SLC26A2: variants seen among roughly 807,000 people sequenced by gnomAD.
The protein encoded by SLC26A2 is sulfate transporter.
Under a neutral mutation model 41.1 loss-of-function variants are expected in SLC26A2, and 36 were observed. That is an observed-to-expected ratio of 0.88 (90% CI 0.67 to 1.16). The LOEUF is 1.16. Ranked by LOEUF, SLC26A2 falls within the 50% of genes most tolerant of loss-of-function variation. SLC26A2 has a pLI of 0.00. For missense variants in SLC26A2, 796 were observed against 869.6 expected, an observed-to-expected ratio of 0.92 and a Z score of 1.07; for synonymous variants, 291 against 311.6, an observed-to-expected ratio of 0.93 and a Z score of 0.70.
chr5:149,975,372 T>C (rs1371210361), intron 1 of SLC26A2, among the ~76,000 whole-genome samples: 1 of 152,236 alleles, frequency 6.6e-6, no homozygotes, highest in Non-Finnish European at 1.5e-5. Flanking sequence ...AATTTTTATC[T>C]ATATTCTTCC....
chr5:149,963,196 G>C (rs1032292097), intron 1 of SLC26A2, among the ~76,000 whole-genome samples: 3 of 152,014 alleles, frequency 2.0e-5, no homozygotes, highest in African/African-American at 7.3e-5. Context: ...TGCAATCTCT[G>C]CCTCCTGGGT....
At chr5:149,968,577 ATTTT>A (rs34927001) in intron 1 of SLC26A2, among the ~76,000 whole-genome samples, 1 of 136,326 alleles carries the variant, frequency 7.3e-6, no homozygotes, top group African/African-American at 2.8e-5. Flanking sequence ...TGCCTGGCTA[ATTTT>A]TTTTTTTTTT....
intron 2 of SLC26A2, among the ~76,000 whole-genome samples, 157 bp downstream of exon 2, chr5:149,978,508 C>G (rs1437778265): frequency 6.6e-6 from 1 of 152,106 alleles, no homozygotes; most frequent in Non-Finnish European, 1.5e-5. Context: ...AAACCCTAAC[C>G]TGACTCCACA....
At chr5:149,968,843 CTG>C in intron 1 of SLC26A2, among the ~76,000 whole-genome samples, 1 of 93,692 alleles carries the variant, frequency 1.1e-5, no homozygotes, top group East Asian at 2.4e-4. Flanking sequence ...CCTCAGCTTG[CTG>C]AGTAGCTGTG....
At chr5:149,963,753 T>TTTC (rs1271337841) in intron 1 of SLC26A2, among the ~76,000 whole-genome samples, 4 of 143,762 alleles carry the variant, frequency 2.8e-5, no homozygotes, top group Non-Finnish European at 6.1e-5. Flanking sequence ...TTTTTTTTTT[T>TTTC]TTTTTTTTTG....
chr5:149,973,364 T>TCCTGGA (rs1480313487), intron 1 of SLC26A2, among the ~76,000 whole-genome samples: 1 of 152,154 alleles, frequency 6.6e-6, no homozygotes, highest in African/African-American at 2.4e-5. Context: ...TTGTTCCATT[T>TCCTGGA]CCTGGACTTT....
chr5:149,961,471 T>A (rs79550806), intron 1 of SLC26A2, among the ~76,000 whole-genome samples: 3,222 of 152,144 alleles, frequency 0.021, 132 homozygotes, highest in African/African-American at 0.075. Context: ...ACACACTAAG[T>A]TGGTATTATT....
chr5:149,970,536 C>T (rs1286998430), intron 1 of SLC26A2, among the ~76,000 whole-genome samples: 1 of 151,848 alleles, frequency 6.6e-6, no homozygotes, highest in Non-Finnish European at 1.5e-5. Context: ...AAAGCTGAGA[C>T]CCAAAGGATG....
chr5:149,972,030 T>G (rs1385383184), intron 1 of SLC26A2, among the ~76,000 whole-genome samples: 1 of 152,236 alleles, frequency 6.6e-6, no homozygotes, highest in Non-Finnish European at 1.5e-5. Context: ...ATTCTTTTCC[T>G]CCAACATTAG....
chr5:149,980,420 A>G lies in SLC26A2; in HGVS notation c.827A>G (p.Asn276Ser), dbSNP rs764228342. 3.1e-6 allele frequency: 5 copies of G among 1,614,072 alleles called. No homozygotes were observed. Among genetic ancestry groups the G allele is most frequent in the East Asian group, 2.2e-5 (1 of 44,878 alleles). ...TSQAKYLLGL[N>S]LPRTNGVGSL... Reference sequence around the variant, plus strand: ...CAGGCCAAGTATCTTCTTGGGCTCAACCTTCCTCGGACTAATGGTGTGGGC... The same window carrying G: ...CAGGCCAAGTATCTTCTTGGGCTCAGCCTTCCTCGGACTAATGGTGTGGGC... Residue 276 changes from asparagine (N) to serine (S), a missense_variant, in exon 3 of 3, where the codon AAC becomes AGC. Physicochemically the swap from Asn to Ser is conservative, Grantham distance 46 (BLOSUM62 1). Coordinates refer to ENST00000286298, the MANE Select transcript of SLC26A2 (RefSeq NM_000112.4).
In SLC26A2 at chr5:149,985,098, G is replaced by C. The variant is rs1330358400; in HGVS notation, c.*3285G>C. On this transcript the variant is annotated 3_prime_UTR_variant, in exon 3 of 3. Coordinates refer to ENST00000286298, the MANE Select transcript of SLC26A2 (RefSeq NM_000112.4). The stretch of plus-strand genomic sequence containing the variant: ...AATAATAGGGAGACAAGGATTAGGA[G>C]CCATACCTCCCAGAGCAAGGTATCT... 1 of 152,200 alleles carries C rather than the reference G, an allele frequency of 6.6e-6. No homozygotes were observed. Among genetic ancestry groups the C allele is most frequent in the East Asian group, 1.9e-4 (1 of 5,192 alleles). The allele number at this position is 152,200 out of a possible 1,614,324, so 9.4% of individuals were successfully genotyped here.
At chr5:149,976,303 C>T (rs1754991265) in intron 1 of SLC26A2, among the ~76,000 whole-genome samples, 1 of 152,212 alleles carries the variant, frequency 6.6e-6, no homozygotes, top group Non-Finnish European at 1.5e-5. Flanking sequence ...AGATGTCTTT[C>T]CTCCAGGAGC....
chr5:149,976,616 C>T (rs767873721), intron 1 of SLC26A2, among the ~76,000 whole-genome samples: 1 of 152,194 alleles, frequency 6.6e-6, no homozygotes, highest in Non-Finnish European at 1.5e-5. Context: ...TTCTCTTACT[C>T]CGGTTATTAG....
chr5:149,981,849 G>C lies in SLC26A2; in HGVS notation c.*36G>C. 6.5e-7 allele frequency: 1 copy of C among 1,532,698 alleles called. No individual in the cohort carries two copies. The highest frequency in any genetic ancestry group is 9.0e-7 in the Non-Finnish European group (1 of 1,112,100). 94.9% of individuals were successfully genotyped at this position (1,532,698 alleles called of 1,614,324 possible). The stretch of plus-strand genomic sequence containing the variant: ...AGATAGAAGAATGTCTAGCCAATAG[G>C]TTAAAATTTCAAGTGTCCAACATTT... On this transcript the variant is annotated 3_prime_UTR_variant, in exon 3 of 3. Coordinates refer to ENST00000286298, the MANE Select transcript of SLC26A2 (RefSeq NM_000112.4).
At chr5:149,970,114 A>G (rs1334179178) in intron 1 of SLC26A2, among the ~76,000 whole-genome samples, 1 of 152,366 alleles carries the variant, frequency 6.6e-6, no homozygotes, top group East Asian at 1.9e-4. Context: ...CTGAAGTGCT[A>G]TGAAGAAAAT....
intron 1 of SLC26A2, among the ~76,000 whole-genome samples, chr5:149,976,280 A>C (rs980094599): frequency 6.6e-6 from 1 of 152,170 alleles, no homozygotes; most frequent in African/African-American, 2.4e-5. Context: ...CATTCAGATT[A>C]CACTGATGAA....
In SLC26A2 at chr5:149,978,102, T is replaced by C. The variant is rs1323877713; in HGVS notation, c.450T>C (p.Ile150=). Residue 150 remains isoleucine, a synonymous_variant, in exon 2 of 3, where the codon ATT becomes ATC. Transcript: ENST00000286298. ...GLYTSFFASI[I]YFLLGTSRHI... ...ACACATCTTTTTTTGCCAGCATCAT[T>C]TATTTTCTCTTGGGTACCTCCCGTC... The C allele has an allele frequency of 6.2e-7, 1 of 1,601,818 alleles. No individual in the cohort carries two copies.
rs1157483146 is a variant in SLC26A2, at chr5:149,982,532, T to G, written c.*719T>G. The G allele has an allele frequency of 6.6e-6, 1 of 152,206 alleles. No individual in the cohort carries two copies. The highest frequency in any genetic ancestry group is 1.5e-5 in the Non-Finnish European group (1 of 68,032). 9.4% of individuals were successfully genotyped at this position (152,206 alleles called of 1,614,324 possible). Reference sequence around the variant, plus strand: ...ATAAATAGGTAAGCACAAAGAGCTCTTCAAAATCAGAAAAAACAATAGGAG... The same window carrying G: ...ATAAATAGGTAAGCACAAAGAGCTCGTCAAAATCAGAAAAAACAATAGGAG... On this transcript the variant is annotated 3_prime_UTR_variant, in exon 3 of 3. Transcript: ENST00000286298.
chr5:149,981,227 G>A lies in SLC26A2; in HGVS notation c.1634G>A (p.Arg545His), dbSNP rs745802790. 2.2e-5 allele frequency: 35 copies of A among 1,614,072 alleles called. No homozygotes were observed. The highest frequency in any genetic ancestry group is 1.0e-4 in the Admixed American group (6 of 60,006). The change falls in exon 3 of 3, where the codon CGC (arginine) becomes CAC (histidine). Residue 545 changes from arginine to histidine, a missense_variant. By Grantham distance (29) the Arg-to-His change is conservative. Transcript: ENST00000286298. ...VCFSIFCVIL[R>H]TQKPKSSLLG... ...TTTTCTATATTTTGTGTCATCCTCCGCACTCAGAAGCCAAAGAGTTCACTG... is the reference window on the plus strand; with the variant it reads ...TTTTCTATATTTTGTGTCATCCTCCACACTCAGAAGCCAAAGAGTTCACTG...
Sources: gnomAD v4.1 joint callset for allele counts (sites outside exome capture counted in the v4.1 genomes callset) on GRCh38, gnomAD v4.1.1 for gene constraint, MANE v1.5 for transcripts, NCBI Gene and HGNC (gene_info 2026-07-23, HGNC 2026-07-21) for gene names.